Variants in CDH13 observed in about 807,000 individuals in gnomAD.
CDH13 encodes cadherin-13.
A neutral mutation model predicts 63.8 loss-of-function variants in CDH13; 24 were observed. The observed-to-expected ratio is 0.38, with a 90% CI of 0.27 to 0.53. The LOEUF (loss-of-function observed/expected upper bound fraction) is 0.53, where lower values mean the gene tolerates loss of function less well. Ranked by LOEUF, CDH13 falls within the 20% of genes least tolerant of loss-of-function variation. The pLI is 0.85. For synonymous variants in CDH13, 503 were observed against 355.3 expected (o/e 1.42, Z -4.67); for missense variants, 1,049 against 903.1 (o/e 1.16, Z -2.07).
intron 5 of CDH13, among the ~76,000 whole-genome samples, chr16:83,273,944 T>C (rs17679500): frequency 0.078 from 11,857 of 152,162 alleles, 542 homozygotes; most frequent in East Asian, 0.14. Context: ...GATTCACCCA[T>C]ACTAGTCTAT....
chr16:82,966,552 A>T (rs1430964342), intron 2 of CDH13, among the ~76,000 whole-genome samples: 1 of 152,198 alleles, frequency 6.6e-6, no homozygotes, highest in Non-Finnish European at 1.5e-5. Context: ...TCCGATCCAG[A>T]TTGCTCTGAT....
intron 7 of CDH13, among the ~76,000 whole-genome samples, chr16:83,501,688 A>G (rs2074287273): frequency 6.6e-6 from 1 of 152,080 alleles, no homozygotes; most frequent in South Asian, 2.1e-4. Context: ...TTCCTGAGTC[A>G]CCCACTGGAG....
At chr16:83,359,774 C>T (rs868600451) in intron 6 of CDH13, among the ~76,000 whole-genome samples, 1 of 152,202 alleles carries the variant, frequency 6.6e-6, no homozygotes, top group African/African-American at 2.4e-5. Flanking sequence ...CACTCTTTCT[C>T]AGTTTTAATG....
chr16:82,833,813 G>T (rs963642784), intron 1 of CDH13, among the ~76,000 whole-genome samples: 2 of 152,180 alleles, frequency 1.3e-5, no homozygotes, highest in East Asian at 1.9e-4. Context: ...GAGGGAAAAC[G>T]GTGTGTGGCT....
intron 5 of CDH13, among the ~76,000 whole-genome samples, chr16:83,263,752 A>G (rs1337729111): frequency 6.6e-6 from 1 of 152,158 alleles, no homozygotes; most frequent in Non-Finnish European, 1.5e-5. Flanking sequence ...AGTGGCAGAG[A>G]CAGCAGGCTG....
chr16:83,299,139 C>T (rs1013917694), intron 5 of CDH13, among the ~76,000 whole-genome samples: 1 of 151,994 alleles, frequency 6.6e-6, no homozygotes, highest in Non-Finnish European at 1.5e-5. Flanking sequence ...GTTTTGCAAC[C>T]TGTTTTATCT....
intron 1 of CDH13, among the ~76,000 whole-genome samples, chr16:82,856,159 G>A (rs982037407): frequency 2.6e-5 from 4 of 151,668 alleles, no homozygotes; most frequent in African/African-American, 4.9e-5. Context: ...GGTGGATCAC[G>A]AGGTCAGCAG....
intron 1 of CDH13, among the ~76,000 whole-genome samples, chr16:82,835,321 C>T (rs1025218789): frequency 6.6e-6 from 1 of 152,320 alleles, no homozygotes; most frequent in East Asian, 1.9e-4. Flanking sequence ...TATGCTCCTT[C>T]TGACATTCAC....
intron 5 of CDH13, among the ~76,000 whole-genome samples, chr16:83,275,957 A>G (rs959648368): frequency 2.6e-5 from 4 of 152,218 alleles, no homozygotes; most frequent in Admixed American, 2.0e-4. Context: ...GAGGTGGCTT[A>G]TAATGAAGAC....
At chr16:82,707,761 C>T (rs1215336601) in intron 1 of CDH13, among the ~76,000 whole-genome samples, 6 of 152,142 alleles carry the variant, frequency 3.9e-5, no homozygotes, top group Admixed American at 1.3e-4. Context: ...TAGGTGAAGA[C>T]GTGTATCTCA....
intron 2 of CDH13, among the ~76,000 whole-genome samples, chr16:82,894,890 C>A (rs1331341990): frequency 1.3e-5 from 2 of 151,978 alleles, no homozygotes; most frequent in African/African-American, 2.4e-5. Context: ...CTGAGAAATG[C>A]CAAGAAGGAA....
rs16961429 is a variant in CDH13 at position 83,714,129 on chromosome 16, A to G, written c.1539-33979A>G. Among the ~76,000 whole-genome samples, 83 of 152,294 alleles carry G rather than the reference A, an allele frequency of 5.4e-4. 3 individuals are homozygous for G. The East Asian group carries it at 0.012, about 22-fold the overall frequency. ...ACGCCAAATCAGGTGGTCTTACAGG[A>G]AGAAGTGAAAATAGATGCCGCAGAA... On this transcript the variant is annotated intron_variant, in intron 10 of 13. Coordinates refer to ENST00000567109, the MANE Select transcript of CDH13 (RefSeq NM_001257.5).
intron 6 of CDH13, among the ~76,000 whole-genome samples, chr16:83,411,911 G>T (rs936269116): frequency 6.6e-6 from 1 of 152,128 alleles, no homozygotes; most frequent in Admixed American, 6.5e-5. Context: ...AAAAACACGA[G>T]CTTGTAATTG....
rs144217918 is a variant in CDH13, at chr16:83,040,710, C to T, written c.366+8492C>T. On this transcript the variant is annotated intron_variant, in intron 3 of 13. Transcript: ENST00000567109. ...TTTGGCAACACCCTCACAGAAACAC[C>T]GGGGAACAATATTTTGCATCCTTCA... is the stretch of plus-strand genomic sequence containing the variant. Among the ~76,000 whole-genome samples, 511 of 152,208 alleles carry T rather than the reference C, an allele frequency of 3.4e-3. 6 individuals are homozygous for T. The Middle Eastern group carries it at 0.034, about 10-fold the overall frequency.
intron 1 of CDH13, among the ~76,000 whole-genome samples, chr16:82,647,412 C>G (rs1194470368): frequency 1.3e-5 from 2 of 152,108 alleles, no homozygotes; most frequent in Non-Finnish European, 2.9e-5. Context: ...AATAAATTCT[C>G]TTGGGAGGTG....
chr16:82,853,914 T>A (rs1201402681), intron 1 of CDH13, among the ~76,000 whole-genome samples: 2 of 152,228 alleles, frequency 1.3e-5, no homozygotes, highest in African/African-American at 4.8e-5. Flanking sequence ...TTTTTATGCA[T>A]GTGACATCTC....
chr16:82,840,767 G>A (rs1399755879), intron 1 of CDH13, among the ~76,000 whole-genome samples: 1 of 151,926 alleles, frequency 6.6e-6, no homozygotes, highest in Non-Finnish European at 1.5e-5. Flanking sequence ...CAGTAAATAT[G>A]GAAGCTGCTT....
At chr16:82,709,320 G>C (rs1197388460) in intron 1 of CDH13, among the ~76,000 whole-genome samples, 1 of 152,110 alleles carries the variant, frequency 6.6e-6, no homozygotes, top group Non-Finnish European at 1.5e-5. Flanking sequence ...TCTGTTTTCT[G>C]TTTCATGCCA....
At chr16:83,691,100 G>A (rs1437191036) in intron 10 of CDH13, among the ~76,000 whole-genome samples, 4 of 140,332 alleles carry the variant, frequency 2.9e-5, no homozygotes, top group African/African-American at 5.7e-5. Context: ...GTGTGTGTGT[G>A]TGTGTGTGTG....
Sources: allele counts gnomAD v4.1 joint callset (sites outside exome capture counted in the v4.1 genomes callset), GRCh38; gene constraint gnomAD v4.1.1; transcripts MANE v1.5; gene names NCBI Gene and HGNC (gene_info 2026-07-23, HGNC 2026-07-21).